The following KCNK2 variants were observed in gnomAD, a reference collection of about 807,000 sequenced individuals.
KCNK2 encodes the protein potassium two pore domain channel subfamily K member 2.
In KCNK2, 21 loss-of-function variants were observed where a neutral mutation model predicts 40.5. The observed-to-expected ratio is 0.52, with a 90% CI of 0.37 to 0.75. The LOEUF (loss-of-function observed/expected upper bound fraction) is 0.75, where lower values mean the gene tolerates loss of function less well. Ranked by LOEUF, KCNK2 falls within the 30% of genes least tolerant of loss-of-function variation. The pLI is 0.00. For missense variants in KCNK2, 399 were observed against 531.6 expected, an observed-to-expected ratio of 0.75 and a Z score of 2.45; for synonymous variants, 191 against 202.2, an observed-to-expected ratio of 0.94 and a Z score of 0.47.
intron 3 of KCNK2, among the ~76,000 whole-genome samples, chr1:215,152,634 G>C (rs1424561735): frequency 6.6e-6 from 1 of 152,080 alleles, no homozygotes; most frequent in East Asian, 1.9e-4. Flanking sequence ...AACTAGCATG[G>C]TGATTGGCAA....
chr1:215,088,565 G>C (rs1471207639), intron 2 of KCNK2, among the ~76,000 whole-genome samples: 4 of 142,018 alleles, frequency 2.8e-5, no homozygotes, highest in Non-Finnish European at 6.0e-5. Context: ...TGCTTGGTTG[G>C]ACAGGACAGG....
At chr1:215,086,808 CA>C in intron 2 of KCNK2, 130 bp downstream of exon 2, 1 of 756,704 alleles carries the variant, frequency 1.3e-6, no homozygotes. Flanking sequence ...TTTGCCTTAA[CA>C]TATAGCTCTT....
At chr1:215,125,739 AATATATAT>A (rs66622204) in intron 3 of KCNK2, among the ~76,000 whole-genome samples, 54 of 124,310 alleles carry the variant, frequency 4.3e-4, no homozygotes, top group African/African-American at 1.0e-3. Context: ...AAGTATAATA[AATATATAT>A]ATATATATAT....
chr1:215,184,639 A>C (rs1222908964), intron 5 of KCNK2, among the ~76,000 whole-genome samples: 1 of 152,142 alleles, frequency 6.6e-6, no homozygotes, highest in Non-Finnish European at 1.5e-5. Context: ...AAGAATGAGA[A>C]CCTTATAAAA....
chr1:215,095,421 T>G (rs909201351), intron 2 of KCNK2, among the ~76,000 whole-genome samples: 3 of 152,182 alleles, frequency 2.0e-5, no homozygotes, highest in East Asian at 1.9e-4. Flanking sequence ...TGATAAATCT[T>G]CTGTCTTGCT....
chr1:215,063,893 C>T (rs1003402672), intron 1 of KCNK2, among the ~76,000 whole-genome samples: 1 of 152,068 alleles, frequency 6.6e-6, no homozygotes, highest in Non-Finnish European at 1.5e-5. Context: ...CAAAGGGAAA[C>T]CAAAATTAAC....
chr1:215,221,017 A>AG (rs1666149129), intron 6 of KCNK2, among the ~76,000 whole-genome samples: 1 of 152,194 alleles, frequency 6.6e-6, no homozygotes, highest in African/African-American at 2.4e-5. Context: ...TGCAGGAGTG[A>AG]GGGGCACTGA....
chr1:215,099,232 A>G (rs1660108594), intron 2 of KCNK2, among the ~76,000 whole-genome samples: 1 of 151,692 alleles, frequency 6.6e-6, no homozygotes, highest in African/African-American at 2.4e-5. Flanking sequence ...TGTTCTCATC[A>G]TTTAGCTTCC....
chr1:215,071,206 G>T lies in KCNK2; in HGVS notation c.35-15162G>T, dbSNP rs1658745672. On this transcript the variant is annotated intron_variant, in intron 1 of 6. Transcript: ENST00000391895. ...TTGCATAATTGGCTGTGTTAGTTCT[G>T]GTGTGATTTTGACATGTCTTGTGAT... 1.3e-5 allele frequency among the ~76,000 whole-genome samples: 2 copies of T among 152,144 alleles called. 1 individual carries two copies. Among genetic ancestry groups the T allele is most frequent in the Admixed American group, 1.3e-4 (2 of 15,278 alleles).
At chr1:215,122,711 A>C (rs1411656779) in intron 2 of KCNK2, among the ~76,000 whole-genome samples, 1 of 146,294 alleles carries the variant, frequency 6.8e-6, no homozygotes, top group African/African-American at 2.5e-5. Flanking sequence ...ATTCGCTACT[A>C]TACATCAAAT....
intron 2 of KCNK2, among the ~76,000 whole-genome samples, chr1:215,095,036 A>G (rs995623022): frequency 6.6e-5 from 10 of 151,986 alleles, no homozygotes; most frequent in South Asian, 2.1e-4. Context: ...GGTTTGACCA[A>G]TGTAGATCTG....
At chr1:215,147,661 G>A (rs1662487404) in intron 3 of KCNK2, among the ~76,000 whole-genome samples, 1 of 152,040 alleles carries the variant, frequency 6.6e-6, no homozygotes, top group South Asian at 2.1e-4. Context: ...GTGAGACCCT[G>A]TCTATACTAA....
intron 1 of KCNK2, among the ~76,000 whole-genome samples, chr1:215,024,250 A>G (rs12736168): frequency 1.3e-5 from 2 of 152,138 alleles, no homozygotes; most frequent in Non-Finnish European, 2.9e-5. Flanking sequence ...ATGGAATAAA[A>G]CAATCTTTGA....
intron 3 of KCNK2, among the ~76,000 whole-genome samples, chr1:215,163,800 G>A (rs767517104): frequency 3.3e-5 from 5 of 152,138 alleles, no homozygotes; most frequent in African/African-American, 7.2e-5. Context: ...GCTTTTTGAT[G>A]TGCTGCTGGA....
At chr1:215,205,032 A>G (rs1293664412) in intron 6 of KCNK2, among the ~76,000 whole-genome samples, 1 of 152,222 alleles carries the variant, frequency 6.6e-6, no homozygotes, top group Admixed American at 6.5e-5. Context: ...ATGTGCACAC[A>G]TACAATCTCT....
At chr1:215,060,408 C>T (rs530636359) in intron 1 of KCNK2, among the ~76,000 whole-genome samples, 2 of 152,174 alleles carry the variant, frequency 1.3e-5, no homozygotes, top group African/African-American at 4.8e-5. Context: ...TTTCTTGTAG[C>T]CTAGACACTG....
intron 1 of KCNK2, among the ~76,000 whole-genome samples, chr1:215,044,826 T>TGTGTGTGTGCGC (rs142895602): frequency 1.4e-4 from 19 of 140,660 alleles, no homozygotes; most frequent in South Asian, 9.1e-4. Context: ...TGTGTGTGTG[T>TGTGTGTGTGCGC]GCGCGCGCAC....
intron 3 of KCNK2, among the ~76,000 whole-genome samples, chr1:215,138,771 G>T (rs918273176): frequency 6.6e-6 from 1 of 152,182 alleles, no homozygotes; most frequent in Non-Finnish European, 1.5e-5. Context: ...AGAAAGAAAA[G>T]TAATAGCATA....
At chr1:215,047,216 T>C (rs1657808561) in intron 1 of KCNK2, among the ~76,000 whole-genome samples, 1 of 152,130 alleles carries the variant, frequency 6.6e-6, no homozygotes, top group Non-Finnish European at 1.5e-5. Flanking sequence ...CTCATAATAA[T>C]AGTGGGTTTT....
Sources: gnomAD v4.1 joint callset for allele counts (sites outside exome capture counted in the v4.1 genomes callset) on GRCh38, gnomAD v4.1.1 for gene constraint, MANE v1.5 for transcripts, NCBI Gene and HGNC (gene_info 2026-07-23, HGNC 2026-07-21) for gene names.